Variants in XKR9 observed in about 807,000 individuals in gnomAD.
XKR9 encodes the protein XK-related protein 9.
Under a neutral mutation model 32.0 loss-of-function variants are expected in XKR9, and 32 were observed. That is an observed-to-expected ratio of 1.00 (90% CI 0.76 to 1.34). XKR9 has a LOEUF of 1.34. Among genes scored for constraint, XKR9 ranks in the 40% most tolerant of loss-of-function variants. The probability of loss-of-function intolerance (pLI) is 0.00; values close to 1 mark genes in which losing one functional copy is unlikely to be tolerated. For missense variants in XKR9, 546 were observed against 429.7 expected (o/e 1.27, Z -2.39); for synonymous variants, 168 against 143.4 (o/e 1.17, Z -1.22).
chr8:70,761,871 A>G (rs893765588), intron 2 of XKR9, among the ~76,000 whole-genome samples: 2 of 150,928 alleles, frequency 1.3e-5, no homozygotes, highest in Non-Finnish European at 3.0e-5. Context: ...TGGTTTTTGT[A>G]TATGGTGTCA....
At chr8:70,743,445 T>C (rs1188921739) in intron 2 of XKR9, among the ~76,000 whole-genome samples, 2 of 152,204 alleles carry the variant, frequency 1.3e-5, no homozygotes, top group East Asian at 3.8e-4. Context: ...TTTGCTCATA[T>C]GGCTACTAAT....
chr8:71,046,280 G>C, the XKR9 span, among the ~76,000 whole-genome samples: 1 of 152,156 alleles, frequency 6.6e-6, no homozygotes, highest in Non-Finnish European at 1.5e-5. Flanking sequence ...CCCAACAGCC[G>C]ATATGAGCCC....
the XKR9 span, among the ~76,000 whole-genome samples, chr8:70,856,120 C>A: frequency 6.6e-6 from 1 of 152,166 alleles, no homozygotes; most frequent in Non-Finnish European, 1.5e-5. Context: ...CAAATGCACA[C>A]ATAACAATAT....
intron 3 of XKR9, among the ~76,000 whole-genome samples, chr8:70,691,859 T>C (rs995603642): frequency 2.6e-5 from 4 of 152,206 alleles, no homozygotes; most frequent in African/African-American, 9.6e-5. Flanking sequence ...TGCCTCCAGC[T>C]TTGTTCTTTT....
At chr8:70,798,501 TG>T in the XKR9 span, among the ~76,000 whole-genome samples, 1 of 152,360 alleles carries the variant, frequency 6.6e-6, no homozygotes, top group African/African-American at 2.4e-5. Flanking sequence ...TTCTGTAGGT[TG>T]TCCGTTTACT....
the XKR9 span, among the ~76,000 whole-genome samples, chr8:70,962,231 C>A: frequency 6.6e-6 from 1 of 151,678 alleles, no homozygotes; most frequent in Admixed American, 6.6e-5. Context: ...ATAATTTTAA[C>A]CTATATTTTA....
chr8:70,707,021 C>T lies in XKR9; in HGVS notation c.361C>T (p.His121Tyr), dbSNP rs143004194. 1.5e-5 allele frequency: 25 copies of T among 1,613,292 alleles called. No individual in the cohort carries two copies. In the African/African-American group the frequency reaches 2.9e-4, roughly 19 times the overall value. ...CTTCGTGGAAGAACAAATTGATCTACATAAAGAAGTTATAGATAGAGTGAC... is the reference window on the plus strand; with the variant it reads ...CTTCGTGGAAGAACAAATTGATCTATATAAAGAAGTTATAGATAGAGTGAC... ...SNFVEEQIDLHKEVIDRVTDL... is the reference protein window; with the variant it reads ...SNFVEEQIDLYKEVIDRVTDL... Residue 121 changes from histidine (H) to tyrosine (Y), a missense_variant, in exon 4 of 5, where the codon CAT becomes TAT. Physicochemically the swap from His to Tyr is moderately conservative, Grantham distance 83. Coordinates refer to ENST00000408926, the MANE Select transcript of XKR9 (RefSeq NM_001011720.2).
At chr8:70,998,375 G>A in the XKR9 span, among the ~76,000 whole-genome samples, 19 of 152,296 alleles carry the variant, frequency 1.2e-4, no homozygotes, top group South Asian at 2.1e-4. Context: ...GCAGTAATGA[G>A]TTCAACTCTC....
rs117654103 is a variant in XKR9, at chr8:70,703,876, T to C, written c.273-3057T>C. Among the ~76,000 whole-genome samples, 105 of 152,230 alleles carry C rather than the reference T, an allele frequency of 6.9e-4. No homozygotes were observed. In the East Asian group the frequency reaches 0.018, roughly 26 times the overall value. On this transcript the variant is annotated intron_variant, in intron 3 of 4. Transcript: ENST00000408926. ...GTTTTTCTTTTTTTTGGCCTATTCA[T>C]CATTTGTTTCATAAAAGTGAAACAG...
the XKR9 span, among the ~76,000 whole-genome samples, chr8:70,852,087 G>GA: frequency 2.6e-5 from 4 of 152,046 alleles, no homozygotes; most frequent in Admixed American, 6.6e-5. Flanking sequence ...AGATTTACAA[G>GA]AAAAAAACAA....
chr8:70,702,227 C>T (rs1213632807), intron 3 of XKR9, among the ~76,000 whole-genome samples: 1 of 152,088 alleles, frequency 6.6e-6, no homozygotes, highest in Non-Finnish European at 1.5e-5. Flanking sequence ...GTCTCCAAAT[C>T]TTTGGGGATT....
At chr8:70,987,277 CACA>C in the XKR9 span, among the ~76,000 whole-genome samples, 1 of 152,178 alleles carries the variant, frequency 6.6e-6, no homozygotes, top group African/African-American at 2.4e-5. Context: ...CTCAAAAGTC[CACA>C]GTCCAAAGTT....
the XKR9 span, among the ~76,000 whole-genome samples, chr8:71,038,014 T>G: frequency 5.9e-5 from 9 of 152,220 alleles, no homozygotes; most frequent in Non-Finnish European, 1.0e-4. Context: ...TTGTCTGGCT[T>G]ACATAGGTAC....
At chr8:70,772,462 T>C (rs994081286) in intron 2 of XKR9, among the ~76,000 whole-genome samples, 4 of 152,148 alleles carry the variant, frequency 2.6e-5, no homozygotes, top group African/African-American at 9.7e-5. Context: ...ACAGGAGCAG[T>C]TGGGGGAGAA....
chr8:70,743,620 CT>C (rs1351399171), intron 2 of XKR9, among the ~76,000 whole-genome samples: 1 of 152,102 alleles, frequency 6.6e-6, no homozygotes, highest in African/African-American at 2.4e-5. Flanking sequence ...TGCATCGAGT[CT>C]TCCCCTTATA....
At chr8:71,052,568 C>T in the XKR9 span, among the ~76,000 whole-genome samples, 1 of 152,138 alleles carries the variant, frequency 6.6e-6, no homozygotes, top group African/African-American at 2.4e-5. Context: ...ATTCTGCCGC[C>T]CACTCAGCGT....
downstream of XKR9, among the ~76,000 whole-genome samples, chr8:70,790,547 A>C (rs575098364): frequency 6.6e-6 from 1 of 152,056 alleles, no homozygotes; most frequent in Non-Finnish European, 1.5e-5. Flanking sequence ...GTGTCTTTTC[A>C]TCTTCCTTTG....
the XKR9 span, among the ~76,000 whole-genome samples, chr8:70,874,964 C>T: frequency 2.6e-5 from 4 of 152,018 alleles, no homozygotes; most frequent in Non-Finnish European, 4.4e-5. Flanking sequence ...GTCACATGCT[C>T]GTCCTTGGAA....
intron 2 of XKR9, among the ~76,000 whole-genome samples, chr8:70,749,773 G>A (rs1205938163): frequency 1.3e-5 from 2 of 152,122 alleles, no homozygotes; most frequent in Non-Finnish European, 2.9e-5. Context: ...GCCACAGAGG[G>A]TTTCTGGCTG....
Sources: allele counts gnomAD v4.1 joint callset (sites outside exome capture counted in the v4.1 genomes callset), GRCh38; gene constraint gnomAD v4.1.1; transcripts MANE v1.5; gene names NCBI Gene and HGNC (gene_info 2026-07-23, HGNC 2026-07-21).